The following STK3 variants were observed in gnomAD, a reference collection of about 807,000 sequenced individuals.
The protein encoded by STK3 is serine/threonine kinase 3.
A neutral mutation model predicts 58.0 loss-of-function variants in STK3; 41 were observed. The ratio of observed to expected loss-of-function variants is 0.71; its 90% CI spans 0.55 to 0.92. The LOEUF is 0.92. STK3 is among the 40% of genes least tolerant of loss of function. STK3 has a pLI of 0.00. For synonymous variants in STK3, 170 were observed against 191.0 expected, an observed-to-expected ratio of 0.89 and a Z score of 0.91; for missense variants, 479 against 602.7, an observed-to-expected ratio of 0.79 and a Z score of 2.15.
At chr8:98,916,251 TA>T (rs1337653056) in intron 1 of STK3, among the ~76,000 whole-genome samples, 1 of 152,066 alleles carries the variant, frequency 6.6e-6, no homozygotes, top group East Asian at 1.9e-4. Flanking sequence ...CCGTCTCTAC[TA>T]AAAATACAAA....
chr8:98,476,466 A>G (rs1288441489), intron 10 of STK3, among the ~76,000 whole-genome samples: 1 of 152,066 alleles, frequency 6.6e-6, no homozygotes, highest in African/African-American at 2.4e-5. Flanking sequence ...CTATGGGTAA[A>G]TGTTCTGGCT....
intron 3 of STK3, among the ~76,000 whole-genome samples, chr8:98,851,565 A>G: frequency 6.6e-6 from 1 of 151,424 alleles, no homozygotes; most frequent in East Asian, 1.9e-4. Flanking sequence ...TTCCTCAACT[A>G]CACGGAAAAA....
At chr8:98,752,033 T>C (rs532535695) in intron 3 of STK3, among the ~76,000 whole-genome samples, 4 of 152,242 alleles carry the variant, frequency 2.6e-5, no homozygotes, top group African/African-American at 7.2e-5. Flanking sequence ...AAGTAATTTA[T>C]AGATTCAATG....
rs1491250714 is a variant in STK3 at position 98,375,282 on chromosome 8, A to AC, written n.112-3605_112-3604insG. Among the ~76,000 whole-genome samples the AC allele has an allele frequency of 8.2e-3, 999 of 121,178 alleles. 17 individuals carry two copies. The highest frequency in any genetic ancestry group is 0.027 in the African/African-American group (842 of 30,786). 79.5% of individuals were successfully genotyped at this position (121,178 alleles called of 152,430 possible). A position where few individuals can be genotyped will look rare whatever the true frequency, so the allele number is the denominator to read the frequency against. ...AAACAAAAAAAAAACAAAAAAAAAC[A>AC]AAAAAAAAAACCTATTATACTTAGC... On this transcript the variant is annotated intron_variant and non_coding_transcript_variant, in intron 2 of 2. Transcript: ENST00000518704.
intron 6 of STK3, among the ~76,000 whole-genome samples, chr8:98,652,008 G>C (rs568728317): frequency 6.6e-6 from 1 of 151,962 alleles, no homozygotes; most frequent in South Asian, 2.1e-4. Context: ...CTCGAGAAGA[G>C]CAACTCCAAG....
chr8:98,781,805 A>T (rs955054856), intron 1 of STK3, among the ~76,000 whole-genome samples: 5 of 152,140 alleles, frequency 3.3e-5, no homozygotes, highest in African/African-American at 1.2e-4. Flanking sequence ...ATAAAAAAAA[A>T]AATTATTAAA....
chr8:98,598,796 T>C (rs1816054826), intron 6 of STK3: 1 of 985,418 alleles, frequency 1.0e-6, no homozygotes. Flanking sequence ...ATGATTATCC[T>C]TGTGTTTGTT....
At chr8:98,590,414 C>T (rs533309801) in intron 7 of STK3, among the ~76,000 whole-genome samples, 2 of 152,240 alleles carry the variant, frequency 1.3e-5, no homozygotes, top group African/African-American at 4.8e-5. Flanking sequence ...GCCGCTAAGC[C>T]GAGAAGATCT....
downstream of STK3, among the ~76,000 whole-genome samples, chr8:98,454,161 C>G (rs1458003932): frequency 6.6e-6 from 1 of 152,050 alleles, no homozygotes; most frequent in Non-Finnish European, 1.5e-5. Context: ...TGGAAGCTTT[C>G]CAGAGACAAT....
At chr8:98,707,415 T>G (rs1563914032) in intron 4 of STK3, 104 bp from the exon 5 acceptor site, 3 of 829,198 alleles carry the variant, frequency 3.6e-6, no homozygotes, top group Non-Finnish European at 5.2e-6. Flanking sequence ...TGTGTGTGTG[T>G]TTTTTTTTAA....
At chr8:98,352,745 A>G in the STK3 span, among the ~76,000 whole-genome samples, 3 of 152,152 alleles carry the variant, frequency 2.0e-5, no homozygotes, top group Non-Finnish European at 2.9e-5. Flanking sequence ...TCCCTCAGCT[A>G]CTTCTGATGT....
At chr8:98,903,487 G>GCTCTTC (rs1564093336) in intron 1 of STK3, among the ~76,000 whole-genome samples, 1 of 139,644 alleles carries the variant, frequency 7.2e-6, no homozygotes, top group African/African-American at 2.7e-5. Context: ...AATTTAGGAA[G>GCTCTTC]TTCTTCTTCT....
At chr8:98,634,783 T>C (rs1819508553) in intron 6 of STK3, among the ~76,000 whole-genome samples, 1 of 152,138 alleles carries the variant, frequency 6.6e-6, no homozygotes, top group Non-Finnish European at 1.5e-5. Context: ...CAGTGTTCTC[T>C]ACTGCTGTCT....
chr8:98,613,795 T>C (rs1005168474), intron 6 of STK3, among the ~76,000 whole-genome samples: 1 of 152,080 alleles, frequency 6.6e-6, no homozygotes, highest in Non-Finnish European at 1.5e-5. Context: ...ATATGTAGTA[T>C]ATAAGAAACT....
intron 1 of STK3, among the ~76,000 whole-genome samples, chr8:98,917,135 A>G (rs1310982397): frequency 3.3e-5 from 5 of 152,254 alleles, no homozygotes; most frequent in African/African-American, 1.2e-4. Flanking sequence ...GACGGAAACC[A>G]GTGCATCTAG....
intron 3 of STK3, among the ~76,000 whole-genome samples, chr8:98,835,635 A>G (rs1015696312): frequency 6.6e-6 from 1 of 152,214 alleles, no homozygotes. Context: ...ACACCTCACC[A>G]TGAACAGCTT....
chr8:98,509,960 T>C (rs912370540), intron 10 of STK3, among the ~76,000 whole-genome samples: 2 of 152,050 alleles, frequency 1.3e-5, no homozygotes, highest in African/African-American at 4.8e-5. Flanking sequence ...AGTTCTCTAT[T>C]TTGAAATTTT....
rs139751506 is a variant in STK3, at chr8:98,472,812, T to C, written c.1318-16812A>G. ...GCTTTATCTACAATAAATATTATAA[T>C]TCAACAGTAATTACTATTGTTGAAC... is the stretch of plus-strand genomic sequence containing the variant. On this transcript the variant is annotated intron_variant, in intron 10 of 10. Transcript: ENST00000419617. Among the ~76,000 whole-genome samples the C allele has an allele frequency of 6.4e-3, 969 of 152,226 alleles. 10 individuals carry two copies. Among genetic ancestry groups the C allele is most frequent in the Non-Finnish European group, 0.011 (739 of 67,978 alleles).
At chr8:98,452,864 G>A (rs1390196950), downstream of STK3, among the ~76,000 whole-genome samples, 2 of 150,072 alleles carry the variant, frequency 1.3e-5, no homozygotes, top group African/African-American at 4.9e-5. Flanking sequence ...AGGTTCAAGC[G>A]ATTCTCCTCC....
Sources: gnomAD v4.1 joint callset for allele counts (sites outside exome capture counted in the v4.1 genomes callset) on GRCh38, gnomAD v4.1.1 for gene constraint, MANE v1.5 for transcripts, NCBI Gene and HGNC (gene_info 2026-07-23, HGNC 2026-07-21) for gene names.